The following MANBAL variants were observed in gnomAD, a reference collection of about 807,000 sequenced individuals.
MANBAL encodes mannosidase beta like.
In MANBAL, 1 loss-of-function variant was observed where a neutral mutation model predicts 6.4. The ratio of observed to expected loss-of-function variants is 0.16; its 90% CI spans 0.06 to 0.74. The LOEUF is 0.74. MANBAL is among the 30% of genes least tolerant of loss of function. The pLI is 0.78. For synonymous variants in MANBAL, 47 were observed against 45.8 expected (o/e 1.03, Z -0.10); for missense variants, 100 against 107.8 (o/e 0.93, Z 0.32).
chr20:37,309,839 T>C (rs564413295), intron 2 of MANBAL, among the ~76,000 whole-genome samples: 1 of 152,222 alleles, frequency 6.6e-6, no homozygotes, highest in South Asian at 2.1e-4. Flanking sequence ...CCACCCATTC[T>C]CAACACCTCA....
intron 2 of MANBAL, 85 bp from the exon 3 acceptor site, chr20:37,316,223 C>T (rs1302663711): frequency 1.4e-5 from 17 of 1,252,874 alleles, no homozygotes; most frequent in Non-Finnish European, 1.9e-5. Context: ...CTGTGGCATG[C>T]TTCTTTGCTT....
chr20:37,291,627 C>A (rs1000265006), intron 1 of MANBAL, among the ~76,000 whole-genome samples: 1 of 152,092 alleles, frequency 6.6e-6, no homozygotes, highest in African/African-American at 2.4e-5. Context: ...GGCTGTGTCC[C>A]CACCCAAATC....
chr20:37,316,506 C>T lies in MANBAL; in HGVS notation c.*91C>T, dbSNP rs1274111053. On this transcript the variant is annotated 3_prime_UTR_variant, in exon 3 of 3. Coordinates refer to ENST00000373606, the MANE Select transcript of MANBAL (RefSeq NM_001003897.2). ...ACATTGTGTTCCCCCGCATTCCAGG[C>T]TCAGGGTCTGAGGAGGCTGTGACGC... 4 of 1,185,172 alleles carry T rather than the reference C, an allele frequency of 3.4e-6. No individual in the cohort carries two copies. The highest frequency in any genetic ancestry group is 3.6e-6 in the Non-Finnish European group (3 of 835,592). 73.4% of individuals were successfully genotyped at this position (1,185,172 alleles called of 1,614,324 possible). A position where few individuals can be genotyped will look rare whatever the true frequency, so the allele number is the denominator to read the frequency against.
chr20:37,299,486 C>T (rs1010228668), intron 1 of MANBAL, among the ~76,000 whole-genome samples: 2 of 152,246 alleles, frequency 1.3e-5, no homozygotes, highest in Admixed American at 6.5e-5. Flanking sequence ...TTCAAACTAG[C>T]TGCGTTTCAA....
Position 37,316,492 on chromosome 20 carries a change from C to A in MANBAL, c.*77C>A. 7.7e-7 allele frequency: 1 copy of A among 1,307,016 alleles called. No individual in the cohort carries two copies. Among genetic ancestry groups the A allele is most frequent in the Non-Finnish European group, 1.1e-6 (1 of 935,518 alleles). The allele number at this position is 1,307,016 out of a possible 1,614,324, so 81.0% of individuals were successfully genotyped here. On this transcript the variant is annotated 3_prime_UTR_variant, in exon 3 of 3. Coordinates refer to ENST00000373606, the MANE Select transcript of MANBAL (RefSeq NM_001003897.2). ...CCTCCTGGGAATCTACATTGTGTTC[C>A]CCCGCATTCCAGGCTCAGGGTCTGA...
At chr20:37,294,428 A>G (rs2068946300) in intron 1 of MANBAL, among the ~76,000 whole-genome samples, 1 of 152,224 alleles carries the variant, frequency 6.6e-6, no homozygotes, top group South Asian at 2.1e-4. Context: ...AGCCAGAGGG[A>G]TCATTTTGAA....
intron 1 of MANBAL, among the ~76,000 whole-genome samples, chr20:37,299,761 C>T (rs1318499142): frequency 6.6e-6 from 1 of 152,190 alleles, no homozygotes; most frequent in Non-Finnish European, 1.5e-5. Context: ...CACTTGAGCT[C>T]AGCCTTAGAG....
intron 2 of MANBAL, among the ~76,000 whole-genome samples, chr20:37,304,877 G>A (rs1333465206): frequency 6.6e-6 from 1 of 152,184 alleles, no homozygotes; most frequent in Non-Finnish European, 1.5e-5. Flanking sequence ...GTGTTGACCA[G>A]CATGTGGGAG....
intron 2 of MANBAL, among the ~76,000 whole-genome samples, chr20:37,315,541 C>T (rs751022623): frequency 8.5e-5 from 13 of 152,366 alleles, no homozygotes; most frequent in East Asian, 3.9e-4. Flanking sequence ...TTCAACCTTT[C>T]GTTCCTTAGC....
chr20:37,291,277 A>C (rs141613461), intron 1 of MANBAL, among the ~76,000 whole-genome samples: 311 of 152,150 alleles, frequency 2.0e-3, no homozygotes, highest in African/African-American at 7.2e-3. Flanking sequence ...CCTATTACTA[A>C]TATCTGAAAT....
At chr20:37,293,497 TATAAA>T (rs1308182019) in intron 1 of MANBAL, among the ~76,000 whole-genome samples, 1 of 152,038 alleles carries the variant, frequency 6.6e-6, no homozygotes, top group East Asian at 1.9e-4. Flanking sequence ...CGGCTGTAAA[TATAAA>T]AGAAACTTCG....
chr20:37,313,628 C>A (rs2069439525), intron 2 of MANBAL, among the ~76,000 whole-genome samples: 2 of 152,024 alleles, frequency 1.3e-5, no homozygotes, highest in South Asian at 4.1e-4. Flanking sequence ...ATCACTTGAA[C>A]CTGGAAGGCG....
At chr20:37,302,475 G>A (rs1461864069) in intron 2 of MANBAL, among the ~76,000 whole-genome samples, 2 of 152,176 alleles carry the variant, frequency 1.3e-5, no homozygotes, top group East Asian at 3.8e-4. Flanking sequence ...AATCCGGTCA[G>A]TCTTTCACCT....
At chr20:37,313,829 T>C (rs1265209837) in intron 2 of MANBAL, among the ~76,000 whole-genome samples, 3 of 152,138 alleles carry the variant, frequency 2.0e-5, no homozygotes. Flanking sequence ...AGTGTATTCA[T>C]GGACAGGGCC....
At chr20:37,293,825 C>T (rs746906164) in intron 1 of MANBAL, among the ~76,000 whole-genome samples, 6 of 152,232 alleles carry the variant, frequency 3.9e-5, no homozygotes, top group Non-Finnish European at 5.9e-5. Flanking sequence ...AGGCTCCACT[C>T]GTTTTCAAAG....
At chr20:37,290,753 C>T (rs1377714451) in intron 1 of MANBAL, among the ~76,000 whole-genome samples, 1 of 152,146 alleles carries the variant, frequency 6.6e-6, no homozygotes, top group African/African-American at 2.4e-5. Context: ...GCCACCACAC[C>T]CGGCTTTTTT....
rs374029067 is a variant in MANBAL at position 37,309,998 on chromosome 20, C to A, written c.151-6310C>A. The stretch of plus-strand genomic sequence containing the variant: ...GCCGTGTGATGAGGGTATAAACATG[C>A]TTCCACCAGCCTGTGGTCTGGAGAT... On this transcript the variant is annotated intron_variant, in intron 2 of 2. Transcript: ENST00000373606. Among the ~76,000 whole-genome samples the A allele has an allele frequency of 6.6e-5, 10 of 152,260 alleles. No individual in the cohort carries two copies. The East Asian group carries it at 1.4e-3, about 21-fold the overall frequency.
intron 1 of MANBAL, among the ~76,000 whole-genome samples, chr20:37,293,781 G>A (rs1037771670): frequency 1.3e-5 from 2 of 152,360 alleles, no homozygotes; most frequent in South Asian, 4.1e-4. Flanking sequence ...AGAGTACAGT[G>A]TGTACGTGCA....
intron 2 of MANBAL, among the ~76,000 whole-genome samples, chr20:37,309,430 A>G (rs2069331208): frequency 6.6e-6 from 1 of 152,162 alleles, no homozygotes; most frequent in Admixed American, 6.5e-5. Flanking sequence ...AGTGACTGAG[A>G]GTCCCCCAGA....
Sources: allele counts gnomAD v4.1 joint callset (sites outside exome capture counted in the v4.1 genomes callset), GRCh38; gene constraint gnomAD v4.1.1; transcripts MANE v1.5; gene names NCBI Gene and HGNC (gene_info 2026-07-23, HGNC 2026-07-21).